Variants in MAGI1 observed in about 807,000 individuals in gnomAD.
MAGI1 encodes the protein membrane-associated guanylate kinase, WW and PDZ domain-containing protein 1.
Under a neutral mutation model 139.9 loss-of-function variants are expected in MAGI1, and 58 were observed. The ratio of observed to expected loss-of-function variants is 0.41; its 90% confidence interval spans 0.34 to 0.52. MAGI1 has a LOEUF of 0.52. Ranked by LOEUF, MAGI1 falls within the 20% of genes least tolerant of loss-of-function variation. MAGI1 has a pLI of 0.12. For missense variants in MAGI1, 1,874 were observed against 1,901.6 expected (o/e 0.99, Z 0.27); for synonymous variants, 812 against 737.9 (o/e 1.10, Z -1.63).
intron 1 of MAGI1, among the ~76,000 whole-genome samples, chr3:65,657,491 T>C (rs2085946723): frequency 6.6e-6 from 1 of 150,896 alleles, no homozygotes; most frequent in African/African-American, 2.4e-5. Flanking sequence ...GGGGGAAGTG[T>C]CCTCTATTCT....
At chr3:65,358,851 T>C (rs1940484193) in intron 22 of MAGI1, among the ~76,000 whole-genome samples, 1 of 152,216 alleles carries the variant, frequency 6.6e-6, no homozygotes, top group Admixed American at 6.5e-5. Context: ...AAGATGTGGA[T>C]ACAGGAAGGC....
chr3:65,425,373 G>C (rs549381041), intron 12 of MAGI1, among the ~76,000 whole-genome samples: 1 of 152,040 alleles, frequency 6.6e-6, no homozygotes, highest in African/African-American at 2.4e-5. Flanking sequence ...AAGTCACAAT[G>C]CAAGTAGAGC....
intron 2 of MAGI1, chr3:65,597,949 C>T: frequency 2.2e-6 from 1 of 454,862 alleles, no homozygotes; most frequent in South Asian, 1.6e-5. Context: ...GACCGAACCC[C>T]TTCCTGGGAG....
chr3:65,471,297 G>C (rs976810240), intron 4 of MAGI1, among the ~76,000 whole-genome samples: 2 of 152,136 alleles, frequency 1.3e-5, no homozygotes, highest in East Asian at 3.9e-4. Context: ...TATAGAGGCC[G>C]ATGATATTAA....
chr3:65,854,514 C>A (rs2059308778), intron 1 of MAGI1, among the ~76,000 whole-genome samples: 1 of 152,250 alleles, frequency 6.6e-6, no homozygotes, highest in South Asian at 2.1e-4. Flanking sequence ...CCAGCGTCTT[C>A]ACAACCACCA....
intron 1 of MAGI1, among the ~76,000 whole-genome samples, chr3:65,703,487 C>A (rs977109652): frequency 1.3e-5 from 2 of 152,208 alleles, no homozygotes; most frequent in African/African-American, 4.8e-5. Context: ...CTACCCAAGC[C>A]CAAGGCTTCA....
intron 2 of MAGI1, among the ~76,000 whole-genome samples, chr3:65,562,397 G>A (rs2080400506): frequency 6.6e-6 from 1 of 152,168 alleles, no homozygotes; most frequent in African/African-American, 2.4e-5. Context: ...AGAACACTAT[G>A]CATCTTAGAA....
chr3:65,826,252 T>C (rs1265882634), intron 1 of MAGI1, among the ~76,000 whole-genome samples: 1 of 152,174 alleles, frequency 6.6e-6, no homozygotes, highest in Non-Finnish European at 1.5e-5. Flanking sequence ...ACAGCTATTA[T>C]TTCATAACAG....
chr3:65,986,961 C>T (rs2065913039), intron 1 of MAGI1, among the ~76,000 whole-genome samples: 1 of 151,140 alleles, frequency 6.6e-6, no homozygotes, highest in African/African-American at 2.4e-5. Flanking sequence ...ACCTCCACTT[C>T]CCAGGTTCAA....
At chr3:65,886,244 T>C (rs1404385674) in intron 1 of MAGI1, among the ~76,000 whole-genome samples, 2 of 152,198 alleles carry the variant, frequency 1.3e-5, no homozygotes, top group Non-Finnish European at 2.9e-5. Flanking sequence ...AATGTCCTAT[T>C]ATTAGCAAGA....
At chr3:65,361,550 G>A (rs1940858023) in intron 21 of MAGI1, among the ~76,000 whole-genome samples, 1 of 152,040 alleles carries the variant, frequency 6.6e-6, no homozygotes, top group Non-Finnish European at 1.5e-5. Flanking sequence ...CATGAGAAAG[G>A]GGGGAAAAAA....
chr3:65,571,910 T>A (rs576542538), intron 2 of MAGI1, among the ~76,000 whole-genome samples: 2 of 152,242 alleles, frequency 1.3e-5, no homozygotes, highest in East Asian at 3.9e-4. Context: ...CTTTAACTCA[T>A]TTTTTCAGTT....
chr3:65,417,587 T>A (rs1457801362), intron 12 of MAGI1, among the ~76,000 whole-genome samples: 1 of 151,766 alleles, frequency 6.6e-6, no homozygotes, highest in Non-Finnish European at 1.5e-5. Flanking sequence ...GATTTTGAGA[T>A]GATGGTGAAA....
At chr3:66,022,051 G>C (rs957139908) in intron 1 of MAGI1, among the ~76,000 whole-genome samples, 4 of 151,984 alleles carry the variant, frequency 2.6e-5, no homozygotes, top group Admixed American at 6.6e-5. Context: ...TTCCCCTCTG[G>C]AATTCAGGCA....
chr3:65,578,957 G>C (rs1243902669), intron 2 of MAGI1, among the ~76,000 whole-genome samples: 2 of 151,544 alleles, frequency 1.3e-5, no homozygotes, highest in Non-Finnish European at 2.9e-5. Flanking sequence ...CAGAGAGAGA[G>C]AGAGAGAACG....
At chr3:65,673,201 G>T (rs771004731) in intron 1 of MAGI1, among the ~76,000 whole-genome samples, 1 of 152,112 alleles carries the variant, frequency 6.6e-6, no homozygotes, top group Non-Finnish European at 1.5e-5. Flanking sequence ...GTGTAGTGCA[G>T]AAGCTCTTAA....
chr3:65,873,552 A>G (rs2060009955), intron 1 of MAGI1: 1 of 152,206 alleles, frequency 6.6e-6, no homozygotes, highest in South Asian at 2.1e-4. Flanking sequence ...GGTTTCAGAC[A>G]AAGGGGGACT....
intron 1 of MAGI1, among the ~76,000 whole-genome samples, chr3:65,993,570 C>T (rs145826861): frequency 7.2e-5 from 11 of 152,346 alleles, no homozygotes; most frequent in Non-Finnish European, 1.5e-4. Flanking sequence ...AACCCAAAAA[C>T]TTGTTCACCA....
chr3:65,596,351 T>G (rs138031004), intron 2 of MAGI1, among the ~76,000 whole-genome samples: 24 of 152,304 alleles, frequency 1.6e-4, no homozygotes, highest in African/African-American at 5.8e-4. Context: ...CCGAATCTTT[T>G]GAAAGCACTG....
Sources: allele counts gnomAD v4.1 joint callset (sites outside exome capture counted in the v4.1 genomes callset), GRCh38; gene constraint gnomAD v4.1.1; transcripts MANE v1.5; gene names NCBI Gene and HGNC (gene_info 2026-07-23, HGNC 2026-07-21).